TBC1D10A: variants seen among roughly 807,000 people sequenced by gnomAD.
TBC1D10A encodes TBC1 domain family member 10A.
Under a neutral mutation model 52.9 loss-of-function variants are expected in TBC1D10A, and 24 were observed. That is an observed-to-expected ratio of 0.45 (90% CI 0.33 to 0.64). The LOEUF (loss-of-function observed/expected upper bound fraction) is 0.64. Ranked by LOEUF, TBC1D10A falls within the 30% of genes least tolerant of loss-of-function variation. TBC1D10A has a pLI of 0.02. For missense variants in TBC1D10A, 602 were observed against 687.9 expected, an observed-to-expected ratio of 0.88 and a Z score of 1.40; for synonymous variants, 278 against 282.9, an observed-to-expected ratio of 0.98 and a Z score of 0.17.
At chr22:30,311,721 T>G (rs1259028145) in intron 1 of TBC1D10A, among the ~76,000 whole-genome samples, 1 of 152,140 alleles carries the variant, frequency 6.6e-6, no homozygotes, top group Non-Finnish European at 1.5e-5. Flanking sequence ...AACCAAGGTA[T>G]CTACCTTCCT....
chr22:30,295,301 G>A (rs547647028), intron 4 of TBC1D10A, among the ~76,000 whole-genome samples: 9 of 152,328 alleles, frequency 5.9e-5, no homozygotes. Context: ...AGAGAAAACA[G>A]GGAGCAGGGC....
At chr22:30,326,394 G>A (rs970748737) in intron 1 of TBC1D10A, among the ~76,000 whole-genome samples, 30 of 151,824 alleles carry the variant, frequency 2.0e-4, no homozygotes, top group Non-Finnish European at 3.7e-4. Context: ...GCTGGAAGGA[G>A]GGCACAGTCG....
chr22:30,313,231 T>G (rs972413838), intron 1 of TBC1D10A, among the ~76,000 whole-genome samples: 1 of 152,180 alleles, frequency 6.6e-6, no homozygotes, highest in Non-Finnish European at 1.5e-5. Context: ...TAAGGGCTGT[T>G]CTGCAGAGGC....
chr22:30,326,675 G>C lies in TBC1D10A; in HGVS notation c.207C>G (p.Gly69=), dbSNP rs1569166455. 1 of 1,550,182 alleles carries C rather than the reference G, an allele frequency of 6.5e-7. No individual in the cohort carries two copies. The highest frequency in any genetic ancestry group is 1.8e-5 in the Admixed American group (1 of 54,362). ...TCCCGACCCCCGGCGCTACTCACGC[G>C]CCCTCGGCGCCCTGCGAGCCCACGA... is the stretch of plus-strand genomic sequence containing the variant. ...GFIVGSQGAE[G]ALEEVPLEVL... is the part of the protein sequence containing the mutation. The change falls in exon 1 of 9, where the codon GGC becomes GGG. Residue 69 remains glycine, a splice_region_variant and synonymous_variant. Transcript: ENST00000215790.
chr22:30,303,539 G>C (rs1255938113), intron 2 of TBC1D10A, among the ~76,000 whole-genome samples: 1 of 152,250 alleles, frequency 6.6e-6, no homozygotes, highest in Non-Finnish European at 1.5e-5. Context: ...TTGCCCAGAA[G>C]TTCCACAGTT....
At chr22:30,292,921 G>A (rs1254107815) in intron 8 of TBC1D10A, 70 bp from the exon 9 acceptor site, 2 of 1,553,512 alleles carry the variant, frequency 1.3e-6, no homozygotes, top group Non-Finnish European at 1.8e-6. Flanking sequence ...TCCCAGCCTG[G>A]GCCCCCAGTC....
At chr22:30,321,903 A>G (rs1190565544) in intron 1 of TBC1D10A, among the ~76,000 whole-genome samples, 1 of 151,966 alleles carries the variant, frequency 6.6e-6, no homozygotes, top group Non-Finnish European at 1.5e-5. Flanking sequence ...TTCCTGCTCC[A>G]AAGTGACAGG....
chr22:30,321,801 G>C (rs534872803), intron 1 of TBC1D10A, among the ~76,000 whole-genome samples: 1 of 152,088 alleles, frequency 6.6e-6, no homozygotes, highest in Non-Finnish European at 1.5e-5. Context: ...CACCTCCCTC[G>C]GGCCAGGAGA....
chr22:30,293,749 G>A lies in TBC1D10A; in HGVS notation c.952C>T (p.Pro318Ser). Residue 318 changes from proline to serine, a missense_variant, in exon 8 of 9, where the codon CCT becomes TCT. Around this residue, in one of 3 missense-constraint regions of TBC1D10A, gnomAD observed 265 missense variants for 275.1 expected, o/e 0.96. Coordinates refer to ENST00000215790, the MANE Select transcript of TBC1D10A (RefSeq NM_031937.3). ...CCCTGGCAGGCTTTGACCTTCTCAGGGGAGCCCAGCGCGTGCTTCAGCAGC... is the reference window on the plus strand; with the variant it reads ...CCCTGGCAGGCTTTGACCTTCTCAGAGGAGCCCAGCGCGTGCTTCAGCAGC... ...LVLLKHALGSPEKVKACQGQY... is the reference protein window; with the variant it reads ...LVLLKHALGSSEKVKACQGQY... 6.2e-7 allele frequency: 1 copy of A among 1,613,188 alleles called. No homozygotes were observed. The highest frequency in any genetic ancestry group is 1.1e-5 in the South Asian group (1 of 91,072).
chr22:30,299,685 C>T (rs781267516), intron 2 of TBC1D10A, 134 bp from the exon 3 acceptor site: 98 of 789,252 alleles, frequency 1.2e-4, no homozygotes, highest in Middle Eastern at 3.3e-4. Context: ...AGAGGACTTT[C>T]GCCGGGCAAG....
chr22:30,293,020 G>A, intron 8 of TBC1D10A, 169 bp from the exon 9 acceptor site: 1 of 710,722 alleles, frequency 1.4e-6, no homozygotes. Flanking sequence ...GAGCCCCACA[G>A]CTGAGTGCCA....
rs1185090300 is a variant in TBC1D10A at position 30,295,067 on chromosome 22, C to T, written c.525-12G>A. The T allele has an allele frequency of 1.2e-6, 2 of 1,613,032 alleles. No individual in the cohort carries two copies. The highest frequency in any genetic ancestry group is 1.1e-5 in the South Asian group (1 of 91,064). On this transcript the variant is annotated splice_polypyrimidine_tract_variant and intron_variant, in intron 4 of 8. Coordinates refer to ENST00000215790, the MANE Select transcript of TBC1D10A (RefSeq NM_031937.3). ...ATAGGTCCTGCTGGCTGTGGAGAGGCCGGGCAGAGCAGTGATGACCGGGGT... is the reference window on the plus strand; with the variant it reads ...ATAGGTCCTGCTGGCTGTGGAGAGGTCGGGCAGAGCAGTGATGACCGGGGT...
chr22:30,304,333 C>G (rs1425203947), intron 2 of TBC1D10A, among the ~76,000 whole-genome samples, 198 bp downstream of exon 2: 2 of 152,228 alleles, frequency 1.3e-5, no homozygotes, highest in Non-Finnish European at 2.9e-5. Flanking sequence ...CTGCATGAAT[C>G]TGAAGTCATT....
intron 2 of TBC1D10A, among the ~76,000 whole-genome samples, chr22:30,304,130 G>T (rs1361225549): frequency 6.6e-6 from 1 of 152,194 alleles, no homozygotes; most frequent in Non-Finnish European, 1.5e-5. Context: ...CTAGGGTGCT[G>T]TAAGGAATTA....
At chr22:30,319,672 G>C (rs1273831730) in intron 1 of TBC1D10A, among the ~76,000 whole-genome samples, 1 of 152,186 alleles carries the variant, frequency 6.6e-6, no homozygotes, top group East Asian at 1.9e-4. Context: ...GAAATCCTAG[G>C]TGGGGGCTTC....
chr22:30,292,477 G>T lies in TBC1D10A; in HGVS notation c.1425C>A (p.Ala475=), dbSNP rs773901779. The T allele has an allele frequency of 4.7e-5, 76 of 1,607,050 alleles. 1 individual carries two copies. Among genetic ancestry groups the T allele is most frequent in the Non-Finnish European group, 2.6e-6 (3 of 1,176,388 alleles). Residue 475 remains alanine (A), a synonymous_variant, in exon 9 of 9, where the codon GCC becomes GCA. Coordinates refer to ENST00000215790, the MANE Select transcript of TBC1D10A (RefSeq NM_031937.3). Reference sequence around the variant, plus strand: ...AATCCTGAGGGGCTGAGTCCTTGGGGGCTGAGTCCTTCGGGGGCACATGCT... The same window carrying T: ...AATCCTGAGGGGCTGAGTCCTTGGGTGCTGAGTCCTTCGGGGGCACATGCT... ...PPQHVPPKDS[A]PKDSAPQDLA...
rs374941941 is a variant in TBC1D10A at position 30,292,837 on chromosome 22, G to A, written c.1065C>T (p.Pro355=). The A allele has an allele frequency of 3.4e-5, 54 of 1,610,980 alleles. 1 individual carries two copies. The East Asian group carries it at 5.1e-4, about 15-fold the overall frequency. Residue 355 remains proline, a synonymous_variant, in exon 9 of 9, where the codon CCC becomes CCT. Transcript: ENST00000215790. ...AFLVQEVVEL[P]VTERQIEREH... is the part of the protein sequence containing the mutation. ...CGCGCTCAATCTGGCGCTCTGTCAC[G>A]GGCAACTCCACCACCTGCAGGGGCA...
At chr22:30,303,582 G>A (rs1339465204) in intron 2 of TBC1D10A, among the ~76,000 whole-genome samples, 4 of 152,246 alleles carry the variant, frequency 2.6e-5, no homozygotes, top group African/African-American at 9.6e-5. Context: ...AAGGAGTGGG[G>A]CTGGGCCCAA....
intron 1 of TBC1D10A, among the ~76,000 whole-genome samples, chr22:30,317,144 A>AT (rs764370430): frequency 2.6e-5 from 4 of 152,222 alleles, no homozygotes; most frequent in African/African-American, 2.4e-5. Context: ...ATGGTGGCTC[A>AT]TGCCTGTAAT....
Sources: allele counts gnomAD v4.1 joint callset (sites outside exome capture counted in the v4.1 genomes callset), GRCh38; gene constraint gnomAD v4.1.1; regional missense constraint gnomAD v4.1.1; transcripts MANE v1.5; gene names NCBI Gene and HGNC (gene_info 2026-07-23, HGNC 2026-07-21).